Variants in CD96 observed in about 807,000 individuals in gnomAD.
CD96 encodes CD96 molecule, also known as T-cell surface protein tactile.
In CD96, 70 loss-of-function variants were observed where a neutral mutation model predicts 71.3. The ratio of observed to expected loss-of-function variants is 0.98; its 90% CI spans 0.81 to 1.20. CD96 has a LOEUF of 1.20. Ranked by LOEUF, CD96 falls within the 50% of genes most tolerant of loss-of-function variation. The pLI is 0.00. For synonymous variants in CD96, 248 were observed against 233.0 expected (o/e 1.06, Z -0.59); for missense variants, 742 against 677.5 (o/e 1.10, Z -1.06).
Position 111,594,134 on chromosome 3 carries a change from T to G in CD96, c.808-3986T>G, listed in dbSNP as rs778349678. On this transcript the variant is annotated intron_variant, in intron 5 of 13. Transcript: ENST00000352690. ...TGTCTCACTAATCTCTTCCTCCTCC[T>G]TCATCTCTAAGTCCCCTTTTGCCTT... 1.9e-6 allele frequency: 3 copies of G among 1,613,848 alleles called. No individual in the cohort carries two copies. In the East Asian group the frequency reaches 6.7e-5, roughly 36 times the overall value.
chr3:111,644,816 G>A (rs543949674), intron 12 of CD96, among the ~76,000 whole-genome samples: 23 of 152,208 alleles, frequency 1.5e-4, no homozygotes, highest in East Asian at 3.9e-4. Flanking sequence ...ATGACAATGC[G>A]ATACCACCTT....
intron 14 of CD96, among the ~76,000 whole-genome samples, chr3:111,663,051 G>T (rs974719278): frequency 6.6e-6 from 1 of 152,200 alleles, no homozygotes; most frequent in African/African-American, 2.4e-5. Flanking sequence ...TATACAGGAA[G>T]CATGGCTTGG....
rs555360331 is a variant in CD96 at position 111,577,220 on chromosome 3, T to C, written c.544-1807T>C. ...TTTCCCACAACAAAGTGACAGTTGA[T>C]GGAACTGTTCCAAATGGCATTCATA... On this transcript the variant is annotated intron_variant, in intron 3 of 13. Transcript: ENST00000352690. Among the ~76,000 whole-genome samples the C allele has an allele frequency of 2.6e-5, 4 of 152,374 alleles. No homozygotes were observed. The East Asian group carries it at 5.8e-4, about 22-fold the overall frequency.
chr3:111,567,670 A>G (rs1576328287), intron 3 of CD96, 23 bp downstream of exon 3: 1 of 1,602,234 alleles, frequency 6.2e-7, no homozygotes, highest in Non-Finnish European at 8.6e-7. Flanking sequence ...CTTTTCAGTG[A>G]ATAACCTCAA....
At chr3:111,649,623 A>G in intron 13 of CD96, 75 bp from the exon 14 acceptor site, 1 of 909,400 alleles carries the variant, frequency 1.1e-6, no homozygotes, top group Non-Finnish European at 1.9e-6. Context: ...TTAAAGAAAC[A>G]ACACATGTCT....
Position 111,665,172 on chromosome 3 carries a change from A to AGTGT in CD96, c.*53-336_*53-333dup, listed in dbSNP as rs3082291. Among the ~76,000 whole-genome samples the AGTGT allele has an allele frequency of 6.9e-3, 1,028 of 149,348 alleles. 8 individuals carry two copies. Among genetic ancestry groups the AGTGT allele is most frequent in the African/African-American group, 0.022 (919 of 40,926 alleles). ...CAGATGAATCTAGGTAGATGGAATA[A>AGTGT]GTGTGTGTGTGTGTGTGTGTGTATG... On this transcript the variant is annotated intron_variant and NMD_transcript_variant, in intron 14 of 14. Transcript: ENST00000494798.
intron 13 of CD96, among the ~76,000 whole-genome samples, chr3:111,648,880 T>C (rs1939952482): frequency 6.6e-6 from 1 of 152,224 alleles, no homozygotes. Context: ...AGCATTTGTA[T>C]AGCTAAATTC....
chr3:111,610,300 A>G (rs556908673), intron 8 of CD96, among the ~76,000 whole-genome samples: 2 of 152,368 alleles, frequency 1.3e-5, no homozygotes, highest in South Asian at 4.1e-4. Context: ...TAATTGTGAA[A>G]TCACACGATG....
intron 8 of CD96, among the ~76,000 whole-genome samples, chr3:111,611,044 C>T (rs1370904496): frequency 6.6e-6 from 1 of 152,144 alleles, no homozygotes; most frequent in Non-Finnish European, 1.5e-5. Context: ...ACTTGCCTTG[C>T]CTCCTGTTTT....
intron 2 of CD96, among the ~76,000 whole-genome samples, chr3:111,553,455 G>T: frequency 7.9e-6 from 1 of 127,024 alleles, no homozygotes; most frequent in African/African-American, 3.0e-5. Context: ...TTTTTGGCAA[G>T]ACTACGTGAT....
chr3:111,621,475 T>C (rs1009268568), intron 8 of CD96, among the ~76,000 whole-genome samples: 5 of 152,250 alleles, frequency 3.3e-5, no homozygotes, highest in African/African-American at 1.2e-4. Flanking sequence ...TTCTTCTATA[T>C]AATTTTTACC....
Position 111,556,134 on chromosome 3 carries a change from T to C in CD96, c.418+10732T>C, listed in dbSNP as rs569487948. Among the ~76,000 whole-genome samples the C allele has an allele frequency of 3.3e-5, 5 of 152,418 alleles. No homozygotes were observed. In the East Asian group the frequency reaches 7.7e-4, roughly 23 times the overall value. ...TTCATTTTATAGCTTTCTATTTCTC[T>C]ACTAACATTTCCTATTTATTGAGTC... On this transcript the variant is annotated intron_variant, in intron 2 of 13. Transcript: ENST00000352690.
At chr3:111,632,050 T>C (rs924423059) in intron 10 of CD96, among the ~76,000 whole-genome samples, 1 of 152,092 alleles carries the variant, frequency 6.6e-6, no homozygotes, top group African/African-American at 2.4e-5. Flanking sequence ...CCATTCAGGA[T>C]ATAGGACGGG....
chr3:111,646,362 T>G (rs1268044163), intron 12 of CD96, among the ~76,000 whole-genome samples: 1 of 152,110 alleles, frequency 6.6e-6, no homozygotes, highest in East Asian at 1.9e-4. Flanking sequence ...CAGGTGTATG[T>G]CTTTTGGCCT....
intron 2 of CD96, among the ~76,000 whole-genome samples, chr3:111,565,896 A>G (rs1935684590): frequency 6.6e-6 from 1 of 151,766 alleles, no homozygotes; most frequent in South Asian, 2.1e-4. Context: ...GGAAAGAGTT[A>G]TTGGTAAAGA....
intron 8 of CD96, chr3:111,607,041 A>C (rs1937653176): frequency 3.7e-6 from 2 of 544,322 alleles, no homozygotes; most frequent in African/African-American, 3.8e-5. Flanking sequence ...AGCCAATTTC[A>C]GAACATTTTC....
chr3:111,663,752 C>CTT lies in CD96; in HGVS notation c.*53-1762_*53-1761dup, dbSNP rs57510798. Among the ~76,000 whole-genome samples the CTT allele has an allele frequency of 4.3e-3, 614 of 143,030 alleles. 16 individuals carry two copies. Among genetic ancestry groups the CTT allele is most frequent in the Middle Eastern group, 0.022 (6 of 276 alleles). The allele number at this position is 143,030 out of a possible 152,430, so 93.8% of individuals were successfully genotyped here. On this transcript the variant is annotated intron_variant and NMD_transcript_variant, in intron 14 of 14. Transcript: ENST00000494798. ...TGTGAAGAAAAGAAATGCTTATACA[C>CTT]TTTTTTTTTTTTTTGAGATGGAGTC... is the stretch of plus-strand genomic sequence containing the variant.
intron 3 of CD96, among the ~76,000 whole-genome samples, chr3:111,572,371 T>G (rs1036852000): frequency 3.9e-5 from 6 of 152,194 alleles, no homozygotes; most frequent in Non-Finnish European, 5.9e-5. Flanking sequence ...AATTCTTTTG[T>G]GTGGTAAAGT....
chr3:111,641,101 A>T (rs1202049469), intron 12 of CD96, among the ~76,000 whole-genome samples: 2 of 152,246 alleles, frequency 1.3e-5, no homozygotes, highest in Admixed American at 6.5e-5. Flanking sequence ...AATCCAAAGT[A>T]CACAGATAAC....
Sources: allele counts gnomAD v4.1 joint callset (sites outside exome capture counted in the v4.1 genomes callset), GRCh38; gene constraint gnomAD v4.1.1; transcripts MANE v1.5; gene names NCBI Gene and HGNC (gene_info 2026-07-23, HGNC 2026-07-21).